Variants in KCNAB1 observed in about 807,000 individuals in gnomAD.
KCNAB1 encodes potassium voltage-gated channel subfamily A regulatory beta subunit 1.
In KCNAB1, 35 loss-of-function variants were observed where a neutral mutation model predicts 64.6. That is an observed-to-expected ratio of 0.54 (90% confidence interval 0.41 to 0.72). The LOEUF (loss-of-function observed/expected upper bound fraction) is 0.72. KCNAB1 is among the 30% of genes least tolerant of loss of function. The probability of loss-of-function intolerance (pLI) is 0.00; values close to 1 mark genes in which losing one functional copy is unlikely to be tolerated. For missense variants in KCNAB1, 401 were observed against 512.9 expected, an observed-to-expected ratio of 0.78 and a Z score of 2.11; for synonymous variants, 177 against 183.8, an observed-to-expected ratio of 0.96 and a Z score of 0.30.
chr3:156,146,489 A>G (rs528337742), intron 1 of KCNAB1, among the ~76,000 whole-genome samples: 2 of 152,340 alleles, frequency 1.3e-5, no homozygotes, highest in Admixed American at 1.3e-4. Context: ...CTGAGTTAAG[A>G]TGTAGCAAAT....
At chr3:156,295,346 G>A (rs1256203793) in intron 1 of KCNAB1, among the ~76,000 whole-genome samples, 1 of 152,092 alleles carries the variant, frequency 6.6e-6, no homozygotes, top group East Asian at 1.9e-4. Flanking sequence ...TGATAAATAG[G>A]TATAATGCCT....
At chr3:156,453,589 C>T (rs891988161) in intron 3 of KCNAB1, among the ~76,000 whole-genome samples, 1 of 152,172 alleles carries the variant, frequency 6.6e-6, no homozygotes, top group African/African-American at 2.4e-5. Context: ...TTTAGATCAT[C>T]ATTTGCACAG....
intron 1 of KCNAB1, among the ~76,000 whole-genome samples, chr3:156,140,771 G>A (rs1368929244): frequency 1.3e-5 from 2 of 152,178 alleles, no homozygotes; most frequent in East Asian, 1.9e-4. Context: ...TTTGTGAAAC[G>A]GTTTAGAAGT....
intron 1 of KCNAB1, among the ~76,000 whole-genome samples, chr3:156,399,812 G>A (rs904863301): frequency 6.6e-6 from 1 of 152,194 alleles, no homozygotes; most frequent in African/African-American, 2.4e-5. Flanking sequence ...CAGAAAAATA[G>A]AAATCATTCC....
chr3:156,130,476 C>G (rs915264373), intron 1 of KCNAB1, among the ~76,000 whole-genome samples: 1 of 152,176 alleles, frequency 6.6e-6, no homozygotes, highest in African/African-American at 2.4e-5. Flanking sequence ...GATTCCTTCC[C>G]AATGATCCAT....
At chr3:156,472,392 A>G (rs995510568) in intron 7 of KCNAB1, among the ~76,000 whole-genome samples, 1 of 152,138 alleles carries the variant, frequency 6.6e-6, no homozygotes. Context: ...AAATCTGATC[A>G]TATTATTTCC....
At chr3:156,316,486 A>G (rs949669201) in intron 1 of KCNAB1, among the ~76,000 whole-genome samples, 1 of 152,262 alleles carries the variant, frequency 6.6e-6, no homozygotes, top group Non-Finnish European at 1.5e-5. Flanking sequence ...TTTTCAATCT[A>G]TAAAATGGGA....
intron 1 of KCNAB1, among the ~76,000 whole-genome samples, chr3:156,308,753 C>A (rs1349827174): frequency 6.6e-6 from 1 of 152,206 alleles, no homozygotes. Context: ...TTGCACAGCA[C>A]TGACTTTAGC....
intron 1 of KCNAB1, among the ~76,000 whole-genome samples, chr3:156,266,150 T>A (rs1034416467): frequency 7.2e-5 from 11 of 152,040 alleles, no homozygotes; most frequent in African/African-American, 2.7e-4. Flanking sequence ...TTTTAGCTCA[T>A]TTTTTTCCCC....
intron 1 of KCNAB1, among the ~76,000 whole-genome samples, chr3:156,149,689 T>G (rs1715278905): frequency 6.6e-6 from 1 of 152,166 alleles, no homozygotes; most frequent in African/African-American, 2.4e-5. Flanking sequence ...GGTAACGCCA[T>G]CCTCTCAAAG....
chr3:156,271,963 G>A (rs1035182499), intron 1 of KCNAB1, among the ~76,000 whole-genome samples: 3 of 152,232 alleles, frequency 2.0e-5, no homozygotes, highest in Admixed American at 6.5e-5. Context: ...ACTTGTAGAA[G>A]TACTGCCTTG....
At chr3:156,286,874 G>A (rs1426830116) in intron 1 of KCNAB1, among the ~76,000 whole-genome samples, 1 of 152,192 alleles carries the variant, frequency 6.6e-6, no homozygotes, top group Non-Finnish European at 1.5e-5. Flanking sequence ...TTAAATTGTA[G>A]TGTGCCTGTG....
intron 1 of KCNAB1, among the ~76,000 whole-genome samples, chr3:156,398,286 A>C (rs1389099781): frequency 2.6e-5 from 4 of 152,178 alleles, no homozygotes. Flanking sequence ...TAATGCATGC[A>C]GAGCTTAAAA....
chr3:156,140,255 G>C (rs6441035), intron 1 of KCNAB1, among the ~76,000 whole-genome samples: 1 of 152,078 alleles, frequency 6.6e-6, no homozygotes, highest in African/African-American at 2.4e-5. Context: ...CAAGTGATAA[G>C]GTTTTTCTGT....
chr3:156,179,000 CAAA>C (rs200144513), intron 1 of KCNAB1, among the ~76,000 whole-genome samples: 1,353 of 107,802 alleles, frequency 0.013, 5 homozygotes, highest in African/African-American at 0.037. Flanking sequence ...GACTCCGTCT[CAAA>C]AAAAAAAAAA....
intron 1 of KCNAB1, among the ~76,000 whole-genome samples, chr3:156,370,882 G>A (rs887658954): frequency 3.3e-5 from 5 of 152,312 alleles, no homozygotes; most frequent in South Asian, 2.1e-4. Context: ...ATCCAGTGGC[G>A]GCAGGCGGCA....
At chr3:156,278,602 C>T (rs550280975) in intron 1 of KCNAB1, among the ~76,000 whole-genome samples, 9 of 152,172 alleles carry the variant, frequency 5.9e-5, no homozygotes, top group East Asian at 1.9e-4. Flanking sequence ...AATGAGAGTT[C>T]GTAATGTACC....
At chr3:156,168,871 A>T (rs1711776359) in intron 1 of KCNAB1, among the ~76,000 whole-genome samples, 1 of 152,230 alleles carries the variant, frequency 6.6e-6, no homozygotes, top group African/African-American at 2.4e-5. Context: ...TTAGTCATCC[A>T]GGGACTTCTG....
At chr3:156,455,797 A>G (rs1712369982) in intron 3 of KCNAB1, among the ~76,000 whole-genome samples, 1 of 152,180 alleles carries the variant, frequency 6.6e-6, no homozygotes, top group Admixed American at 6.5e-5. Context: ...GCTGCCGGAA[A>G]CCTAGGCCTC....
Sources: allele counts gnomAD v4.1 joint callset (sites outside exome capture counted in the v4.1 genomes callset), GRCh38; gene constraint gnomAD v4.1.1; transcripts MANE v1.5; gene names NCBI Gene and HGNC (gene_info 2026-07-23, HGNC 2026-07-21).